RSU1: variants seen among roughly 807,000 people sequenced by gnomAD.
RSU1 encodes Ras suppressor protein 1.
In RSU1, 26 loss-of-function variants were observed where a neutral mutation model predicts 31.1. The observed-to-expected ratio is 0.84, with a 90% CI of 0.61 to 1.16. The LOEUF is 1.16. Ranked by LOEUF, RSU1 falls within the 50% of genes most tolerant of loss-of-function variation. The pLI is 0.00. For synonymous variants in RSU1, 164 were observed against 136.3 expected (o/e 1.20, Z -1.41); for missense variants, 320 against 339.1 (o/e 0.94, Z 0.44).
chr10:16,634,933 A>C (rs1328011702), intron 8 of RSU1, among the ~76,000 whole-genome samples: 1 of 152,234 alleles, frequency 6.6e-6, no homozygotes, highest in Non-Finnish European at 1.5e-5. Flanking sequence ...TTCTATCTTC[A>C]GGGCTGAAAC....
chr10:16,639,714 G>C (rs1414019139), intron 8 of RSU1, among the ~76,000 whole-genome samples: 2 of 151,994 alleles, frequency 1.3e-5, no homozygotes, highest in Non-Finnish European at 2.9e-5. Flanking sequence ...GAAACACTTT[G>C]TCAAACAACT....
rs139231306 is a variant in RSU1 at position 16,650,576 on chromosome 10, C to CTTTTT, written c.731+44442_731+44446dup. Among the ~76,000 whole-genome samples, 102 of 112,532 alleles carry CTTTTT rather than the reference C, an allele frequency of 9.1e-4. 1 individual carries two copies. The highest frequency in any genetic ancestry group is 3.0e-3 in the African/African-American group (85 of 28,136). The allele number at this position is 112,532 out of a possible 152,430, so 73.8% of individuals were successfully genotyped here. ...AGCACTAATAAGGAGTCCTGAAAAG[C>CTTTTT]TTTTTTTTTTTTTTTTTTTGTGAGA... On this transcript the variant is annotated intron_variant, in intron 8 of 8. Transcript: ENST00000345264.
At chr10:16,798,884 T>C (rs1045513417) in intron 2 of RSU1, among the ~76,000 whole-genome samples, 1 of 152,214 alleles carries the variant, frequency 6.6e-6, no homozygotes, top group Non-Finnish European at 1.5e-5. Context: ...AAAGAAACTG[T>C]CGAGTCTCTA....
chr10:16,732,064 C>T (rs1299845758), intron 7 of RSU1, among the ~76,000 whole-genome samples: 2 of 152,090 alleles, frequency 1.3e-5, no homozygotes, highest in Non-Finnish European at 2.9e-5. Flanking sequence ...GTAGCTTCCA[C>T]CAAACTGATG....
chr10:16,598,660 T>A (rs1051658074), intron 8 of RSU1, among the ~76,000 whole-genome samples: 1 of 152,200 alleles, frequency 6.6e-6, no homozygotes, highest in Non-Finnish European at 1.5e-5. Flanking sequence ...GGAACACAGG[T>A]GGTCTGTGTA....
chr10:16,593,105 A>G lies in RSU1; in HGVS notation c.*289T>C. 3.3e-6 allele frequency: 1 copy of G among 299,302 alleles called. No individual in the cohort carries two copies. The highest frequency in any genetic ancestry group is 6.1e-6 in the Non-Finnish European group (1 of 164,190). The allele number at this position is 299,302 out of a possible 1,614,324, so 18.5% of individuals were successfully genotyped here. The stretch of plus-strand genomic sequence containing the variant: ...GATAATAAGCAACCTTGTGATATCT[A>G]TTCAAGAAAAGCCAGAGCCCACTAT... On this transcript the variant is annotated 3_prime_UTR_variant, in exon 9 of 9. Coordinates refer to ENST00000345264, the MANE Select transcript of RSU1 (RefSeq NM_012425.4).
intron 7 of RSU1, among the ~76,000 whole-genome samples, chr10:16,698,126 G>A (rs765517961): frequency 1.0e-4 from 15 of 150,738 alleles, no homozygotes; most frequent in South Asian, 2.1e-4. Context: ...TGAGAACAAC[G>A]TGGAGCAGGG....
intron 8 of RSU1, among the ~76,000 whole-genome samples, chr10:16,601,232 C>G (rs1254023821): frequency 6.6e-6 from 1 of 152,218 alleles, no homozygotes; most frequent in Admixed American, 6.5e-5. Context: ...CTCCATGTCT[C>G]CAGAACTTCA....
chr10:16,741,489 T>C (rs1056671028), intron 7 of RSU1, among the ~76,000 whole-genome samples: 1 of 152,110 alleles, frequency 6.6e-6, no homozygotes, highest in African/African-American at 2.4e-5. Context: ...AACACTGAAT[T>C]GTACACTTAG....
intron 7 of RSU1, among the ~76,000 whole-genome samples, chr10:16,751,221 G>T (rs369344034): frequency 8.5e-4 from 130 of 152,200 alleles, no homozygotes; most frequent in African/African-American, 3.0e-3. Flanking sequence ...TGCAAAAAGC[G>T]TTTCTTGATT....
At position 16,593,494 on chromosome 10, in the gene RSU1, A is replaced by G; in HGVS notation, c.734T>C (p.Leu245Pro). Residue 245 changes from leucine to proline, a missense_variant and splice_region_variant, in exon 9 of 9, where the codon CTC (leucine) becomes CCC (proline). Coordinates refer to ENST00000345264, the MANE Select transcript of RSU1 (RefSeq NM_012425.4). ...GTTGGCCTGCATGTGTCTGCCGTAG[A>G]GGCTGCAAAGACAGAGAAAGGACAC... ...EYIRSETYKYLYGRHMQANPE... is the reference protein window; with the variant it reads ...EYIRSETYKYPYGRHMQANPE... The G allele has an allele frequency of 6.2e-7, 1 of 1,611,956 alleles. No individual in the cohort carries two copies. The highest frequency in any genetic ancestry group is 1.7e-5 in the Admixed American group (1 of 60,022).
At chr10:16,815,136 C>A (rs966674392) in intron 2 of RSU1, among the ~76,000 whole-genome samples, 7 of 152,328 alleles carry the variant, frequency 4.6e-5, no homozygotes, top group African/African-American at 1.7e-4. Flanking sequence ...CGGGCAGGCG[C>A]AGCAAGGGGC....
chr10:16,661,568 A>T (rs549588487), intron 8 of RSU1, among the ~76,000 whole-genome samples: 1 of 152,276 alleles, frequency 6.6e-6, no homozygotes, highest in South Asian at 2.1e-4. Context: ...AGGAGAGGAG[A>T]GAAGATGACT....
At chr10:16,709,642 T>G (rs1835977746) in intron 7 of RSU1, among the ~76,000 whole-genome samples, 1 of 152,198 alleles carries the variant, frequency 6.6e-6, no homozygotes, top group Non-Finnish European at 1.5e-5. Flanking sequence ...TTTTTCCACA[T>G]CCTCTCCAGC....
chr10:16,765,010 T>C (rs936075870), intron 3 of RSU1, among the ~76,000 whole-genome samples: 3 of 151,986 alleles, frequency 2.0e-5, no homozygotes, highest in African/African-American at 7.3e-5. Context: ...AGAGCAAAAA[T>C]GCACAAAAGA....
intron 8 of RSU1, among the ~76,000 whole-genome samples, chr10:16,602,596 A>G (rs1016787189): frequency 6.6e-6 from 1 of 152,176 alleles, no homozygotes; most frequent in African/African-American, 2.4e-5. Flanking sequence ...CTAGAAACAC[A>G]TTGTGTGCTA....
intron 3 of RSU1, among the ~76,000 whole-genome samples, chr10:16,773,679 C>A (rs988076765): frequency 3.3e-5 from 5 of 152,264 alleles, no homozygotes; most frequent in African/African-American, 1.2e-4. Context: ...CAAATTCACT[C>A]TTTTCTCTTT....
chr10:16,617,522 T>G (rs531382060), intron 8 of RSU1, among the ~76,000 whole-genome samples: 2 of 152,204 alleles, frequency 1.3e-5, no homozygotes, highest in African/African-American at 4.8e-5. Context: ...AGAGCCCATA[T>G]AGCCAAGACA....
intron 7 of RSU1, among the ~76,000 whole-genome samples, chr10:16,752,229 GC>G (rs1336845963): frequency 6.6e-6 from 1 of 152,190 alleles, no homozygotes; most frequent in African/African-American, 2.4e-5. Flanking sequence ...TCAATGAGGA[GC>G]CAGGGATAAG....
Sources: allele counts gnomAD v4.1 joint callset (sites outside exome capture counted in the v4.1 genomes callset), GRCh38; gene constraint gnomAD v4.1.1; transcripts MANE v1.5; gene names NCBI Gene and HGNC (gene_info 2026-07-23, HGNC 2026-07-21).